The following SOBP variants were observed in gnomAD, a reference collection of about 807,000 sequenced individuals.
SOBP encodes sine oculis-binding protein homolog.
In SOBP, 4 loss-of-function variants were observed where a neutral mutation model predicts 53.6. The ratio of observed to expected loss-of-function variants is 0.07; its 90% confidence interval spans 0.04 to 0.17. The LOEUF is 0.17. SOBP is among the 10% of genes least tolerant of loss of function. The pLI is 1.00. For synonymous variants in SOBP, 584 were observed against 522.6 expected, an observed-to-expected ratio of 1.12 and a Z score of -1.60; for missense variants, 1,088 against 1,204.7, an observed-to-expected ratio of 0.90 and a Z score of 1.43.
chr6:107,541,294 A>C (rs1460528509), intron 4 of SOBP, among the ~76,000 whole-genome samples: 1 of 152,226 alleles, frequency 6.6e-6, no homozygotes, highest in Non-Finnish European at 1.5e-5. Flanking sequence ...CTGATTTATG[A>C]GAGAGCTTTG....
At chr6:107,510,495 A>G (rs1321552) in intron 3 of SOBP, 62,890 of 152,164 alleles carry the variant, frequency 0.41, 16,359 homozygotes, top group Middle Eastern at 0.66. Context: ...CTTATTGCAC[A>G]TATATAAGCA....
intron 2 of SOBP, among the ~76,000 whole-genome samples, chr6:107,505,313 AT>A (rs1464346316): frequency 2.0e-5 from 3 of 151,420 alleles, no homozygotes; most frequent in East Asian, 3.9e-4. Context: ...TTGCCTCTCA[AT>A]TTTCTTTTCT....
At chr6:107,513,711 C>A (rs1228792526) in intron 3 of SOBP, among the ~76,000 whole-genome samples, 2 of 143,782 alleles carry the variant, frequency 1.4e-5, no homozygotes. Context: ...ATTTATGTAC[C>A]AGATGCAATT....
intron 5 of SOBP, among the ~76,000 whole-genome samples, chr6:107,591,079 A>G (rs1208375358): frequency 6.6e-6 from 1 of 152,184 alleles, no homozygotes; most frequent in Non-Finnish European, 1.5e-5. Flanking sequence ...TGGACTTTAT[A>G]CACTGTCATC....
At chr6:107,544,735 C>T (rs1244505301) in intron 4 of SOBP, among the ~76,000 whole-genome samples, 1 of 152,182 alleles carries the variant, frequency 6.6e-6, no homozygotes, top group Non-Finnish European at 1.5e-5. Flanking sequence ...GCGCTTTACC[C>T]ACAAACAAGA....
intron 4 of SOBP, among the ~76,000 whole-genome samples, chr6:107,586,203 A>G (rs1785561144): frequency 6.6e-6 from 1 of 152,228 alleles, no homozygotes; most frequent in Non-Finnish European, 1.5e-5. Context: ...TATGTGAGGG[A>G]GACAGCTCAG....
intron 6 of SOBP, among the ~76,000 whole-genome samples, chr6:107,656,297 A>AAGAC (rs1199307719): frequency 3.1e-4 from 7 of 22,508 alleles, no homozygotes; most frequent in African/African-American, 4.6e-4. Context: ...AAAAGAAAGA[A>AAGAC]AGAAAGAAAG....
chr6:107,637,300 G>T (rs1432714546), intron 6 of SOBP, among the ~76,000 whole-genome samples: 1 of 152,228 alleles, frequency 6.6e-6, no homozygotes, highest in Non-Finnish European at 1.5e-5. Flanking sequence ...ATAGCCAGGA[G>T]ATTGCTTGGG....
intron 6 of SOBP, among the ~76,000 whole-genome samples, chr6:107,647,043 G>A (rs1771590512): frequency 6.6e-6 from 1 of 152,220 alleles, no homozygotes; most frequent in Non-Finnish European, 1.5e-5. Flanking sequence ...TAAGGACAGA[G>A]CTTGGGGCTG....
At chr6:107,517,329 G>C (rs1212889072) in intron 3 of SOBP, among the ~76,000 whole-genome samples, 1 of 152,214 alleles carries the variant, frequency 6.6e-6, no homozygotes, top group African/African-American at 2.4e-5. Flanking sequence ...ATCAAGATCA[G>C]AGTGCCAGCA....
At chr6:107,600,189 A>G (rs928790189) in intron 5 of SOBP, among the ~76,000 whole-genome samples, 3 of 152,214 alleles carry the variant, frequency 2.0e-5, no homozygotes, top group South Asian at 2.1e-4. Context: ...TAAAATTACA[A>G]TGTGTGTGAG....
chr6:107,644,113 G>A (rs1016955252), intron 6 of SOBP, among the ~76,000 whole-genome samples: 5 of 152,134 alleles, frequency 3.3e-5, no homozygotes, highest in African/African-American at 1.2e-4. Flanking sequence ...GACCAGCCTG[G>A]CCAACATGGG....
At chr6:107,547,247 C>T (rs759292293) in intron 4 of SOBP, among the ~76,000 whole-genome samples, 1 of 152,180 alleles carries the variant, frequency 6.6e-6, no homozygotes, top group Non-Finnish European at 1.5e-5. Context: ...TCCTCACGTC[C>T]CTGATATGGG....
At chr6:107,530,152 G>C (rs564134690) in intron 3 of SOBP, among the ~76,000 whole-genome samples, 1 of 152,220 alleles carries the variant, frequency 6.6e-6, no homozygotes, top group African/African-American at 2.4e-5. Flanking sequence ...GGCACAGACC[G>C]TTAGCCAAAA....
At chr6:107,496,876 A>C (rs1055951311) in intron 1 of SOBP, among the ~76,000 whole-genome samples, 2 of 152,220 alleles carry the variant, frequency 1.3e-5, no homozygotes, top group African/African-American at 4.8e-5. Flanking sequence ...GCACTATTTA[A>C]ATTTTATGTC....
chr6:107,596,989 T>G (rs1785969472), intron 5 of SOBP, among the ~76,000 whole-genome samples: 1 of 152,256 alleles, frequency 6.6e-6, no homozygotes. Flanking sequence ...TGTGAAGTAC[T>G]CTGCTGTTTT....
intron 4 of SOBP, among the ~76,000 whole-genome samples, chr6:107,552,618 A>T: frequency 6.6e-6 from 1 of 152,194 alleles, no homozygotes; most frequent in African/African-American, 2.4e-5. Flanking sequence ...TTCCAGTCAA[A>T]TGAGATGAAT....
intron 3 of SOBP, among the ~76,000 whole-genome samples, chr6:107,522,537 C>CTTTTT (rs71551313): frequency 0.035 from 2,581 of 73,650 alleles, 18 homozygotes; most frequent in Middle Eastern, 0.071. Flanking sequence ...AGTATAAAAA[C>CTTTTT]TTTTTTTTTT....
chr6:107,564,473 A>G (rs1391965374), intron 4 of SOBP, among the ~76,000 whole-genome samples: 2 of 150,346 alleles, frequency 1.3e-5, no homozygotes, highest in Non-Finnish European at 3.0e-5. Context: ...AAGGTTAATC[A>G]AATCTCAGCC....
Sources: gnomAD v4.1 joint callset for allele counts (sites outside exome capture counted in the v4.1 genomes callset) on GRCh38, gnomAD v4.1.1 for gene constraint, MANE v1.5 for transcripts, NCBI Gene and HGNC (gene_info 2026-07-23, HGNC 2026-07-21) for gene names.